WWOX: variants seen among roughly 807,000 people sequenced by gnomAD.
WWOX encodes WW domain containing oxidoreductase.
WWOX carries 69 observed loss-of-function variants against 46.2 expected under a neutral mutation model. The observed-to-expected ratio is 1.49, with a 90% CI of 1.23 to 1.82. WWOX has a LOEUF of 1.82. Among genes scored for constraint, WWOX ranks in the 40% most tolerant of loss-of-function variants. WWOX has a pLI of 0.00. For synonymous variants in WWOX, 359 were observed against 202.6 expected (o/e 1.77, Z -6.56); for missense variants, 919 against 542.6 (o/e 1.69, Z -6.89).
chr16:78,184,545 C>T (rs1401031575), intron 5 of WWOX, among the ~76,000 whole-genome samples: 1 of 151,482 alleles, frequency 6.6e-6, no homozygotes, highest in Non-Finnish European at 1.5e-5. Context: ...ATGGATGAAT[C>T]ACCGAGATCT....
At chr16:78,284,494 GT>G (rs1490495611) in intron 5 of WWOX, among the ~76,000 whole-genome samples, 2 of 152,176 alleles carry the variant, frequency 1.3e-5, no homozygotes, top group African/African-American at 2.4e-5. Flanking sequence ...GAGGAAATGT[GT>G]TGTTTGAGAT....
At chr16:78,363,833 G>A (rs1244750445) in intron 5 of WWOX, among the ~76,000 whole-genome samples, 1 of 152,150 alleles carries the variant, frequency 6.6e-6, no homozygotes, top group Admixed American at 6.5e-5. Context: ...TGGAGAGCAG[G>A]AACTTGCCCG....
intron 8 of WWOX, among the ~76,000 whole-genome samples, chr16:79,108,264 A>G (rs1048493551): frequency 4.6e-5 from 7 of 152,224 alleles, no homozygotes; most frequent in African/African-American, 7.2e-5. Context: ...ATCCTCTGCA[A>G]AAGCATCAGC....
At chr16:78,790,490 C>G (rs1270170103) in intron 8 of WWOX, among the ~76,000 whole-genome samples, 1 of 152,134 alleles carries the variant, frequency 6.6e-6, no homozygotes, top group African/African-American at 2.4e-5. Context: ...CTAGAAAAGT[C>G]AGAAGGTCTA....
chr16:78,953,246 C>T (rs1255816696), intron 8 of WWOX, among the ~76,000 whole-genome samples: 1 of 150,752 alleles, frequency 6.6e-6, no homozygotes, highest in East Asian at 2.0e-4. Context: ...TCTCCTTGGT[C>T]TATATAGGAT....
intron 6 of WWOX, among the ~76,000 whole-genome samples, chr16:78,422,684 TACACACACACACAC>T (rs1199317546): frequency 1.5e-3 from 80 of 52,912 alleles, no homozygotes; most frequent in South Asian, 2.8e-3. Flanking sequence ...TATATATATA[TACACACACACACAC>T]ACATATATAT....
chr16:79,019,188 A>AAAAAG (rs1567489989), intron 8 of WWOX, among the ~76,000 whole-genome samples: 19 of 60,864 alleles, frequency 3.1e-4, no homozygotes, highest in South Asian at 1.8e-3. Context: ...AAAAAAAAGA[A>AAAAAG]AAAAAAAAGT....
At chr16:78,277,957 A>T (rs1331248471) in intron 5 of WWOX, among the ~76,000 whole-genome samples, 1 of 152,174 alleles carries the variant, frequency 6.6e-6, no homozygotes, top group African/African-American at 2.4e-5. Flanking sequence ...CCATGGGGTT[A>T]AAAAAAGTGA....
chr16:79,061,976 C>A (rs983469961), intron 8 of WWOX, among the ~76,000 whole-genome samples: 26 of 152,186 alleles, frequency 1.7e-4, no homozygotes, highest in African/African-American at 4.1e-4. Flanking sequence ...GTAGTGCCTG[C>A]ATTCTTTTCA....
At chr16:78,817,856 C>G (rs555506401) in intron 8 of WWOX, among the ~76,000 whole-genome samples, 131 of 152,290 alleles carry the variant, frequency 8.6e-4, no homozygotes, top group African/African-American at 3.1e-3. Context: ...GTCAAGCCTT[C>G]TTATTGTCAT....
At chr16:78,903,392 C>A (rs1342297704) in intron 8 of WWOX, among the ~76,000 whole-genome samples, 3 of 152,160 alleles carry the variant, frequency 2.0e-5, no homozygotes, top group Admixed American at 6.5e-5. Flanking sequence ...ACTCCGCCTC[C>A]AGTCAGTATG....
At chr16:79,201,395 T>G (rs748085168) in intron 8 of WWOX, among the ~76,000 whole-genome samples, 1 of 151,924 alleles carries the variant, frequency 6.6e-6, no homozygotes, top group African/African-American at 2.4e-5. Context: ...AAGATCTGTT[T>G]CTTCATTTGC....
chr16:78,170,637 T>C (rs1163718889), intron 5 of WWOX, among the ~76,000 whole-genome samples: 2 of 152,248 alleles, frequency 1.3e-5, no homozygotes, highest in Non-Finnish European at 2.9e-5. Context: ...GTTTGTTGAT[T>C]AGTATTTTCC....
intron 8 of WWOX, among the ~76,000 whole-genome samples, chr16:78,887,473 A>AAGG (rs1443485862): frequency 1.9e-3 from 6 of 3,080 alleles, no homozygotes; most frequent in Non-Finnish European, 0.012. Context: ...TATAAAACAC[A>AAGG]CACACACACA....
At chr16:78,817,667 G>C (rs2051373066) in intron 8 of WWOX, among the ~76,000 whole-genome samples, 1 of 152,172 alleles carries the variant, frequency 6.6e-6, no homozygotes, top group Admixed American at 6.5e-5. Context: ...TATTGGGGAT[G>C]AGTCTTTGTG....
chr16:78,862,140 A>G (rs62036229), intron 8 of WWOX, among the ~76,000 whole-genome samples: 32,203 of 141,626 alleles, frequency 0.23, 3,791 homozygotes, highest in South Asian at 0.34. Context: ...CTATATCTAT[A>G]CACACCTATG....
chr16:78,524,917 G>C (rs1278052964), intron 8 of WWOX, among the ~76,000 whole-genome samples: 1 of 141,374 alleles, frequency 7.1e-6, no homozygotes, highest in East Asian at 2.1e-4. Context: ...CCAGGCTGGA[G>C]TGCAGTGACG....
chr16:78,497,726 T>TC (rs1435417011), intron 8 of WWOX, among the ~76,000 whole-genome samples: 37 of 152,198 alleles, frequency 2.4e-4, no homozygotes, highest in Non-Finnish European at 3.7e-4. Flanking sequence ...AAATGTGGAC[T>TC]CTCAGCAGGA....
At chr16:78,505,740 G>A (rs1329160010) in intron 8 of WWOX, among the ~76,000 whole-genome samples, 1 of 152,142 alleles carries the variant, frequency 6.6e-6, no homozygotes, top group African/African-American at 2.4e-5. Context: ...GCTTAAGGCT[G>A]GAAGAAACCC....
Sources: gnomAD v4.1 joint callset for allele counts (sites outside exome capture counted in the v4.1 genomes callset) on GRCh38, gnomAD v4.1.1 for gene constraint, MANE v1.5 for transcripts, NCBI Gene and HGNC (gene_info 2026-07-23, HGNC 2026-07-21) for gene names.